TSEN34: variants seen among roughly 807,000 people sequenced by gnomAD.
The protein encoded by TSEN34 is tRNA-splicing endonuclease subunit Sen34.
In TSEN34, 25 loss-of-function variants were observed where a neutral mutation model predicts 30.2. The ratio of observed to expected loss-of-function variants is 0.83; its 90% CI spans 0.60 to 1.16. TSEN34 has a LOEUF of 1.16. TSEN34 is among the 50% of genes most tolerant of loss of function. The pLI, the probability that TSEN34 is intolerant of heterozygous loss-of-function variation, is 0.00. For missense variants in TSEN34, 475 were observed against 411.9 expected, an observed-to-expected ratio of 1.15 and a Z score of -1.33; for synonymous variants, 209 against 177.4, an observed-to-expected ratio of 1.18 and a Z score of -1.41.
chr19:54,193,110 T>G, intron 3 of TSEN34, 65 bp from the exon 4 acceptor site: 1 of 1,608,920 alleles, frequency 6.2e-7, no homozygotes, highest in South Asian at 1.1e-5. Flanking sequence ...CTCCCAGTGG[T>G]CGTTCCCGTG....
chr19:54,191,282 C>T (rs1040409172), upstream of TSEN34: 41 of 1,538,432 alleles, frequency 2.7e-5, no homozygotes, highest in East Asian at 9.9e-5. Context: ...TCGCCGAGAC[C>T]CCGGAGGCTT....
rs2076738565 is a variant in TSEN34, at chr19:54,192,283, C to G, written c.655C>G (p.Leu219Val). ...CCACGCCGGCCGCCCTGCCCACGAG[C>G]TGCGCTACAGTATCTACAGAGACCT... is the stretch of plus-strand genomic sequence containing the variant. ...WPHAGRPAHE[L>V]RYSIYRDLWE... is the part of the protein sequence containing the mutation. The change falls in exon 3 of 4, where the codon CTG (leucine) becomes GTG (valine). Residue 219 changes from leucine (L) to valine (V), a missense_variant. Transcript: ENST00000396388. 6.2e-7 allele frequency: 1 copy of G among 1,614,022 alleles called. No individual in the cohort carries two copies. The highest frequency in any genetic ancestry group is 8.5e-7 in the Non-Finnish European group (1 of 1,180,028).
rs1207331085 is a variant in TSEN34 at position 54,191,553 on chromosome 19, C to T, written c.189C>T (p.Ile63=). The change falls in exon 1 of 4, where the codon ATC becomes ATT. Residue 63 remains isoleucine, a synonymous_variant. Coordinates refer to ENST00000396388, the MANE Select transcript of TSEN34 (RefSeq NM_001077446.4). ...AAGAGGCGCGGCTCTTGGCCGAGATCGGCGCCGTGACTCTGGTCAGCGCCC... is the reference window on the plus strand; with the variant it reads ...AAGAGGCGCGGCTCTTGGCCGAGATTGGCGCCGTGACTCTGGTCAGCGCCC... ...MPEEARLLAE[I]GAVTLVSAPR... is the part of the protein sequence containing the mutation. The T allele has an allele frequency of 3.1e-6, 5 of 1,601,542 alleles. No individual in the cohort carries two copies. The highest frequency in any genetic ancestry group is 2.2e-5 in the South Asian group (2 of 91,016).
At chr19:54,190,749 G>T (rs1184888369), upstream of TSEN34, 1 of 1,186,402 alleles carries the variant, frequency 8.4e-7, no homozygotes, top group East Asian at 3.9e-5. Flanking sequence ...CCCGAACGCC[G>T]AACTTCCTGT....
intron 3 of TSEN34, 37 bp downstream of exon 3, chr19:54,192,410 T>C (rs779583094): frequency 1.2e-6 from 2 of 1,613,224 alleles, no homozygotes; most frequent in African/African-American, 1.3e-5. Context: ...GCTGTGCCTT[T>C]CCATACGATC....
rs2076813983 is a variant in TSEN34, at chr19:54,194,246, A to G, written c.*884A>G. ...GTGTGTATATATATATATATTATGA[A>G]AGGAAATGAGTATTGTAATTTTAGG... On this transcript the variant is annotated 3_prime_UTR_variant, in exon 4 of 4. Transcript: ENST00000396388. 1 of 151,848 alleles carries G rather than the reference A, an allele frequency of 6.6e-6. No homozygotes were observed. Among genetic ancestry groups the G allele is most frequent in the Non-Finnish European group, 1.5e-5 (1 of 67,982 alleles). 9.4% of individuals were successfully genotyped at this position (151,848 alleles called of 1,614,324 possible). A position where few individuals can be genotyped will look rare whatever the true frequency, so the allele number is the denominator to read the frequency against.
chr19:54,192,666 C>G (rs1233375931), intron 3 of TSEN34, among the ~76,000 whole-genome samples: 1 of 152,094 alleles, frequency 6.6e-6, no homozygotes, highest in Non-Finnish European at 1.5e-5. Context: ...AGTTTAACGA[C>G]TTTTATTAAA....
intron 3 of TSEN34, 69 bp downstream of exon 3, chr19:54,192,442 T>TTC: frequency 3.2e-5 from 1 of 31,392 alleles, no homozygotes; most frequent in Non-Finnish European, 4.2e-5. Flanking sequence ...TGCGTTTTTC[T>TTC]TTTTTTTTTT....
chr19:54,191,747 AGAG>A lies in TSEN34; in HGVS notation c.274_276del (p.Glu92del), dbSNP rs764501514. ...CCCTGACATCCTTCAAGCGCCAGCA[AGAG>A]GAGAGCTTCCAGGAGCAGAGCGCCT... On this transcript the variant is annotated inframe_deletion, in exon 2 of 4. Transcript: ENST00000396388. 1 of 1,614,118 alleles carries A rather than the reference AGAG, an allele frequency of 6.2e-7. No homozygotes were observed. Among genetic ancestry groups the A allele is most frequent in the Non-Finnish European group, 8.5e-7 (1 of 1,180,040 alleles).
chr19:54,192,342 C>A lies in TSEN34; in HGVS notation c.714C>A (p.Gly238=), dbSNP rs759160149. 6.2e-7 allele frequency: 1 copy of A among 1,614,146 alleles called. No individual in the cohort carries two copies. ...WERGFFLSAA[G]KFGGDFLVYP... ...GAGGCTTCTTCCTCAGTGCGGCTGG[C>A]AAGTTCGGAGGTGACTTCCTGGTCT... is the stretch of plus-strand genomic sequence containing the variant. The change falls in exon 3 of 4, where the codon GGC becomes GGA. Residue 238 remains glycine (G), a synonymous_variant. Transcript: ENST00000396388.
chr19:54,194,498 C>G lies in TSEN34; in HGVS notation c.*1136C>G. The stretch of plus-strand genomic sequence containing the variant: ...TGCTTAAGAAAGTACTAGAACACTA[C>G]CACTATTCCAATAATTACACCTTTA... On this transcript the variant is annotated 3_prime_UTR_variant, in exon 4 of 4. Coordinates refer to ENST00000396388, the MANE Select transcript of TSEN34 (RefSeq NM_001077446.4). 1 of 152,178 alleles carries G rather than the reference C, an allele frequency of 6.6e-6. No homozygotes were observed. The highest frequency in any genetic ancestry group is 1.5e-5 in the Non-Finnish European group (1 of 68,040). The allele number at this position is 152,178 out of a possible 1,614,324, so 9.4% of individuals were successfully genotyped here.
Position 54,193,782 on chromosome 19 carries a change from A to C in TSEN34, c.*420A>C. The C allele has an allele frequency of 1.5e-6, 1 of 684,802 alleles. No individual in the cohort carries two copies. The highest frequency in any genetic ancestry group is 2.7e-5 in the East Asian group (1 of 37,066). The allele number at this position is 684,802 out of a possible 1,614,324, so 42.4% of individuals were successfully genotyped here. On this transcript the variant is annotated 3_prime_UTR_variant, in exon 4 of 4. Transcript: ENST00000396388. Reference sequence around the variant, plus strand: ...ACTTGCCCAAAGTCACACACTTAGTAAATAGCAGGCCTGGCCTTTCAAAAT... The same window carrying C: ...ACTTGCCCAAAGTCACACACTTAGTCAATAGCAGGCCTGGCCTTTCAAAAT...
In TSEN34 at chr19:54,192,143, C is replaced by G; in HGVS notation, c.515C>G (p.Ser172Ter). The G allele has an allele frequency of 6.2e-7, 1 of 1,614,254 alleles. No homozygotes were observed. The highest frequency in any genetic ancestry group is 8.5e-7 in the Non-Finnish European group (1 of 1,180,044). Residue 172 changes from serine to a stop codon, truncating the protein, a stop_gained, in exon 3 of 4, where the codon TCA becomes TGA. Transcript: ENST00000396388. LOFTEE classifies it high-confidence loss of function. Reference protein sequence around the residue: ...AGPSSSQAGPSNGVAPLPRSA... With the variant: ...AGPSSSQAGP ...CCCTCGTCTTCCCAAGCAGGACCCT[C>G]AAATGGGGTAGCCCCCTTGCCCAGA... is the stretch of plus-strand genomic sequence containing the variant.
upstream of TSEN34, chr19:54,190,294 T>A: frequency 7.3e-7 from 1 of 1,373,654 alleles, no homozygotes. Context: ...GGTGTCGGCA[T>A]GAGGGGGTGG....
upstream of TSEN34, chr19:54,191,227 G>C (rs1404249605): frequency 7.0e-6 from 10 of 1,433,330 alleles, no homozygotes; most frequent in Non-Finnish European, 9.1e-6. Context: ...GGTGGTGAAC[G>C]GCGGCTGAGC....
intron 3 of TSEN34, among the ~76,000 whole-genome samples, chr19:54,192,624 C>T (rs1376262882): frequency 1.3e-5 from 2 of 152,054 alleles, no homozygotes; most frequent in African/African-American, 2.4e-5. Context: ...AGACAGGAAA[C>T]ATTTGGGAGC....
At chr19:54,193,142 G>T in intron 3 of TSEN34, 33 bp from the exon 4 acceptor site, 1 of 1,612,104 alleles carries the variant, frequency 6.2e-7, no homozygotes, top group Non-Finnish European at 8.5e-7. Flanking sequence ...TCTGCCATTG[G>T]TCACTGCTTC....
upstream of TSEN34, chr19:54,191,255 G>A: frequency 6.6e-7 from 1 of 1,523,462 alleles, no homozygotes; most frequent in Middle Eastern, 2.4e-4. Context: ...CGCCCCCTGA[G>A]GCCTAGGGGC....
rs919491176 is a variant in TSEN34, at chr19:54,193,584, A to G, written c.*222A>G. 1.4e-5 allele frequency: 21 copies of G among 1,483,828 alleles called. No homozygotes were observed. The highest frequency in any genetic ancestry group is 1.7e-5 in the Non-Finnish European group (19 of 1,099,578). The allele number at this position is 1,483,828 out of a possible 1,614,324, so 91.9% of individuals were successfully genotyped here. On this transcript the variant is annotated 3_prime_UTR_variant, in exon 4 of 4. Coordinates refer to ENST00000396388, the MANE Select transcript of TSEN34 (RefSeq NM_001077446.4). ...CTATTTTCACACTGTGAGCTTCCCG[A>G]GAATGGGGCCTGGGTTTGATTCATC...
Sources: allele counts gnomAD v4.1 joint callset (sites outside exome capture counted in the v4.1 genomes callset), GRCh38; gene constraint gnomAD v4.1.1; transcripts MANE v1.5; gene names NCBI Gene and HGNC (gene_info 2026-07-23, HGNC 2026-07-21).